PPA2: variants seen among roughly 807,000 people sequenced by gnomAD.
The protein encoded by PPA2 is inorganic pyrophosphatase 2, also known as inorganic pyrophosphatase 2, mitochondrial.
PPA2 carries 48 observed loss-of-function variants against 49.5 expected under a neutral mutation model. The ratio of observed to expected loss-of-function variants is 0.97; its 90% CI spans 0.77 to 1.23. The LOEUF (loss-of-function observed/expected upper bound fraction) is 1.23, where lower values mean the gene tolerates loss of function less well. PPA2 is among the 50% of genes most tolerant of loss of function. The pLI, the probability that PPA2 is intolerant of heterozygous loss-of-function variation, is 0.00. For missense variants in PPA2, 429 were observed against 410.1 expected (o/e 1.05, Z -0.40); for synonymous variants, 131 against 139.9 (o/e 0.94, Z 0.45).
intron 7 of PPA2, chr4:105,405,617 C>G: frequency 9.9e-7 from 1 of 1,012,388 alleles, no homozygotes. Flanking sequence ...TAAAAAGACT[C>G]CTCAAGTTTC....
chr4:105,427,475 C>G (rs886400133), intron 6 of PPA2, among the ~76,000 whole-genome samples: 7 of 152,066 alleles, frequency 4.6e-5, no homozygotes, highest in African/African-American at 1.7e-4. Flanking sequence ...GAATGGCTAA[C>G]TAGAATCAAC....
At chr4:105,411,690 G>C (rs191755451) in intron 7 of PPA2, among the ~76,000 whole-genome samples, 7 of 152,102 alleles carry the variant, frequency 4.6e-5, no homozygotes, top group South Asian at 2.1e-4. Context: ...TTTAGAAAAC[G>C]CCATCATCTC....
At chr4:105,448,622 T>C (rs1051123519) in intron 4 of PPA2, among the ~76,000 whole-genome samples, 18 of 149,614 alleles carry the variant, frequency 1.2e-4, no homozygotes, top group Admixed American at 5.3e-4. Flanking sequence ...TGCTCTGTGA[T>C]AGTCATAAAT....
rs1483003323 is a variant in PPA2, at chr4:105,424,554, G to T, written c.529-232C>A. 2.0e-5 allele frequency among the ~76,000 whole-genome samples: 3 copies of T among 152,070 alleles called. No homozygotes were observed. In the East Asian group the frequency reaches 5.8e-4, roughly 29 times the overall value. ...GAATTATTTTACAGATAAACAACTTGCCCTCCCATTGCAAACAACTAAAAA... is the reference window on the plus strand; with the variant it reads ...GAATTATTTTACAGATAAACAACTTTCCCTCCCATTGCAAACAACTAAAAA... On this transcript the variant is annotated intron_variant, in intron 6 of 11. Transcript: ENST00000341695.
At chr4:105,377,346 T>G (rs1160176381) in intron 10 of PPA2, among the ~76,000 whole-genome samples, 1 of 152,198 alleles carries the variant, frequency 6.6e-6, no homozygotes, top group Non-Finnish European at 1.5e-5. Context: ...CCTTATCTGC[T>G]GGACATTTTT....
At chr4:105,381,372 TC>T (rs1733481701) in intron 10 of PPA2, among the ~76,000 whole-genome samples, 1 of 152,026 alleles carries the variant, frequency 6.6e-6, no homozygotes, top group African/African-American at 2.4e-5. Context: ...ACAGTTTTTT[TC>T]CCCTTTACTT....
At chr4:105,425,405 A>T (rs1723450479) in intron 6 of PPA2, among the ~76,000 whole-genome samples, 1 of 152,218 alleles carries the variant, frequency 6.6e-6, no homozygotes, top group Non-Finnish European at 1.5e-5. Flanking sequence ...TTTAAGAGCT[A>T]AGACATATAT....
chr4:105,384,303 A>T (rs1453269277), intron 10 of PPA2, among the ~76,000 whole-genome samples: 2 of 152,170 alleles, frequency 1.3e-5, no homozygotes, highest in Non-Finnish European at 2.9e-5. Context: ...CTTCATTATT[A>T]TAAAGCTCAA....
intron 10 of PPA2, among the ~76,000 whole-genome samples, chr4:105,375,890 T>G (rs1733230130): frequency 1.3e-5 from 2 of 152,192 alleles, no homozygotes; most frequent in Non-Finnish European, 2.9e-5. Context: ...CTTCTCCTAC[T>G]TATAACTATT....
chr4:105,423,808 T>C (rs1160119878), intron 7 of PPA2, among the ~76,000 whole-genome samples: 1 of 152,186 alleles, frequency 6.6e-6, no homozygotes, highest in Non-Finnish European at 1.5e-5. Flanking sequence ...TTTCTTCTTG[T>C]TAGTCATATG....
chr4:105,464,725 C>A (rs1202661631), intron 1 of PPA2, among the ~76,000 whole-genome samples: 2 of 152,088 alleles, frequency 1.3e-5, no homozygotes, highest in African/African-American at 4.8e-5. Context: ...TGCACTAGCT[C>A]TCTTGTCTGC....
intron 3 of PPA2, among the ~76,000 whole-genome samples, chr4:105,451,305 G>C (rs17035603): frequency 0.091 from 13,892 of 152,206 alleles, 1,299 homozygotes; most frequent in African/African-American, 0.24. Flanking sequence ...AATGTAGATA[G>C]ATATTGAGCC....
chr4:105,471,804 CCTTCCAATCAGGAT>C (rs1723534787), intron 1 of PPA2, among the ~76,000 whole-genome samples: 1 of 152,194 alleles, frequency 6.6e-6, no homozygotes, highest in African/African-American at 2.4e-5. Flanking sequence ...AACCAACACA[CCTTCCAATCAGGAT>C]CTTACCATCG....
intron 5 of PPA2, among the ~76,000 whole-genome samples, chr4:105,438,486 T>C (rs956840310): frequency 1.3e-4 from 20 of 152,214 alleles, no homozygotes; most frequent in African/African-American, 4.3e-4. Flanking sequence ...TTTCCCTTTA[T>C]AAATGAAAGG....
chr4:105,373,795 A>ACACACACACC (rs70964650), intron 10 of PPA2, among the ~76,000 whole-genome samples: 119 of 147,858 alleles, frequency 8.0e-4, no homozygotes, highest in Middle Eastern at 7.0e-3. Flanking sequence ...ACACACACAC[A>ACACACACACC]CCCCATCATA....
intron 7 of PPA2, among the ~76,000 whole-genome samples, chr4:105,406,203 C>CA (rs1243009792): frequency 2.6e-4 from 32 of 123,378 alleles, no homozygotes; most frequent in East Asian, 2.1e-3. Context: ...AGGAAAAAAA[C>CA]AAAAAAACAA....
chr4:105,415,521 A>G (rs1722968340), intron 7 of PPA2, among the ~76,000 whole-genome samples: 1 of 152,206 alleles, frequency 6.6e-6, no homozygotes, highest in Non-Finnish European at 1.5e-5. Flanking sequence ...AGGCAGCAGT[A>G]GCAGGCACTT....
intron 7 of PPA2, among the ~76,000 whole-genome samples, chr4:105,421,105 A>T (rs1723233777): frequency 6.6e-6 from 1 of 152,220 alleles, no homozygotes; most frequent in Admixed American, 6.5e-5. Context: ...TGGGCAGTTA[A>T]GAGTTATTGT....
chr4:105,473,674 C>T, intron 1 of PPA2: 1 of 812,078 alleles, frequency 1.2e-6, no homozygotes, highest in Non-Finnish European at 2.1e-6. Flanking sequence ...CGCCTCTGCT[C>T]TCCGCTTTGG....
Sources: allele counts gnomAD v4.1 joint callset (sites outside exome capture counted in the v4.1 genomes callset), GRCh38; gene constraint gnomAD v4.1.1; transcripts MANE v1.5; gene names NCBI Gene and HGNC (gene_info 2026-07-23, HGNC 2026-07-21).